The following SMYD3 variants were observed in gnomAD, a reference collection of about 807,000 sequenced individuals.
The protein encoded by SMYD3 is SET and MYND domain containing 3, also known as histone-lysine N-methyltransferase SMYD3.
SMYD3 carries 36 observed loss-of-function variants against 57.7 expected under a neutral mutation model. The ratio of observed to expected loss-of-function variants is 0.62; its 90% CI spans 0.48 to 0.82. The LOEUF is 0.82. Ranked by LOEUF, SMYD3 falls within the 40% of genes least tolerant of loss-of-function variation. The probability of loss-of-function intolerance (pLI) is 0.00; values close to 1 mark genes in which losing one functional copy is unlikely to be tolerated. For synonymous variants in SMYD3, 211 were observed against 195.0 expected (o/e 1.08, Z -0.68); for missense variants, 515 against 538.8 (o/e 0.96, Z 0.44).
At chr1:245,953,981 A>G (rs1455915923) in intron 5 of SMYD3, among the ~76,000 whole-genome samples, 1 of 152,246 alleles carries the variant, frequency 6.6e-6, no homozygotes, top group Non-Finnish European at 1.5e-5. Flanking sequence ...AACTTTGTTT[A>G]AATCTGATAA....
chr1:246,026,555 T>C (rs960407972), intron 5 of SMYD3, among the ~76,000 whole-genome samples: 2 of 152,210 alleles, frequency 1.3e-5, no homozygotes, highest in Admixed American at 1.3e-4. Flanking sequence ...CTCACAATAA[T>C]TCAAACTTTT....
chr1:245,793,478 G>T (rs968266230), intron 10 of SMYD3, among the ~76,000 whole-genome samples: 3 of 152,056 alleles, frequency 2.0e-5, no homozygotes, highest in African/African-American at 7.3e-5. Context: ...CAAGGCTCCG[G>T]CTTGCTTCGT....
chr1:245,788,778 C>A (rs1172219669), intron 10 of SMYD3: 1 of 152,256 alleles, frequency 6.6e-6, no homozygotes, highest in African/African-American at 2.4e-5. Context: ...ATTCTTCGTT[C>A]CAGTCTCTGG....
At chr1:245,876,639 G>A (rs976355789) in intron 8 of SMYD3, among the ~76,000 whole-genome samples, 4 of 152,182 alleles carry the variant, frequency 2.6e-5, no homozygotes, top group East Asian at 3.8e-4. Flanking sequence ...GTGGCACTAC[G>A]GGGAATAAAT....
At chr1:246,000,808 A>C (rs2059026192) in intron 5 of SMYD3, among the ~76,000 whole-genome samples, 1 of 152,258 alleles carries the variant, frequency 6.6e-6, no homozygotes, top group Admixed American at 6.5e-5. Context: ...GCTGGAAGAC[A>C]GAGAACGTAT....
At chr1:246,124,830 CTT>C (rs60817400) in intron 5 of SMYD3, among the ~76,000 whole-genome samples, 12,727 of 152,090 alleles carry the variant, frequency 0.084, 1,093 homozygotes, top group African/African-American at 0.21. Flanking sequence ...ATAGAGTGAT[CTT>C]TTCTACTTAA....
intron 5 of SMYD3, among the ~76,000 whole-genome samples, chr1:245,978,237 T>C (rs1293295432): frequency 6.6e-6 from 1 of 152,232 alleles, no homozygotes; most frequent in Non-Finnish European, 1.5e-5. Flanking sequence ...CTTCTGTCCC[T>C]TACTAATTGA....
chr1:246,470,817 C>G (rs927870852), intron 1 of SMYD3, among the ~76,000 whole-genome samples: 2 of 151,860 alleles, frequency 1.3e-5, no homozygotes, highest in African/African-American at 4.8e-5. Context: ...AACTAGAGAT[C>G]AAAAGTACTG....
intron 10 of SMYD3, among the ~76,000 whole-genome samples, chr1:245,843,538 A>T (rs2050506998): frequency 1.3e-5 from 1 of 74,802 alleles, no homozygotes; most frequent in Non-Finnish European, 2.2e-5. Flanking sequence ...GTGTATATAT[A>T]TATGTGTGTG....
chr1:246,018,505 AG>A (rs2059415988), intron 5 of SMYD3, among the ~76,000 whole-genome samples: 1 of 152,272 alleles, frequency 6.6e-6, no homozygotes, highest in Admixed American at 6.5e-5. Context: ...TCAATTTCAT[AG>A]ATGAGTCTGA....
At position 246,376,874 on chromosome 1, in the gene SMYD3, C is replaced by T. The variant is rs984110508; in HGVS notation, c.165-21780G>A. 3.3e-5 allele frequency among the ~76,000 whole-genome samples: 5 copies of T among 151,934 alleles called. No individual in the cohort carries two copies. The East Asian group carries it at 5.8e-4, about 18-fold the overall frequency. ...CAGCACTTTGGGAGGCTGAGGTGGGCGGATCACCTGAGGTCAGGAGTTCAA... is the reference window on the plus strand; with the variant it reads ...CAGCACTTTGGGAGGCTGAGGTGGGTGGATCACCTGAGGTCAGGAGTTCAA... On this transcript the variant is annotated intron_variant, in intron 1 of 11. Coordinates refer to ENST00000490107, the MANE Select transcript of SMYD3 (RefSeq NM_001167740.2).
intron 10 of SMYD3, chr1:245,814,557 G>A: frequency 4.9e-6 from 1 of 205,714 alleles, no homozygotes; most frequent in Non-Finnish European, 8.6e-6. Flanking sequence ...CCAGGGACCT[G>A]TGAAATGGAT....
intron 1 of SMYD3, among the ~76,000 whole-genome samples, chr1:246,484,031 G>A (rs1033119110): frequency 7.3e-6 from 1 of 136,672 alleles, no homozygotes; most frequent in Non-Finnish European, 1.5e-5. Context: ...CATTGCACTA[G>A]TTACACCTAA....
chr1:246,254,733 T>C (rs1459224840), intron 5 of SMYD3, among the ~76,000 whole-genome samples: 1 of 152,220 alleles, frequency 6.6e-6, no homozygotes, highest in Admixed American at 6.5e-5. Flanking sequence ...AGAATGGCCA[T>C]TTTAGTGATA....
chr1:246,448,535 C>T (rs2067581021), intron 1 of SMYD3, among the ~76,000 whole-genome samples: 1 of 151,978 alleles, frequency 6.6e-6, no homozygotes, highest in African/African-American at 2.4e-5. Flanking sequence ...CCTGCAGCTA[C>T]AAGCCCAGGC....
intron 5 of SMYD3, among the ~76,000 whole-genome samples, chr1:246,171,398 G>A (rs2062329755): frequency 6.6e-6 from 1 of 152,016 alleles, no homozygotes; most frequent in African/African-American, 2.4e-5. Context: ...TTTCCAGAGG[G>A]ATGGGGGTAG....
chr1:246,051,798 C>A (rs1285947282), intron 5 of SMYD3, among the ~76,000 whole-genome samples: 1 of 152,134 alleles, frequency 6.6e-6, no homozygotes, highest in Non-Finnish European at 1.5e-5. Flanking sequence ...GTACTCTCCC[C>A]AAACAACAAA....
intron 1 of SMYD3, among the ~76,000 whole-genome samples, chr1:246,356,394 C>T (rs1221031221): frequency 2.0e-5 from 3 of 152,094 alleles, no homozygotes; most frequent in Non-Finnish European, 2.9e-5. Context: ...CTCTTTAACA[C>T]CCCCCAAAAG....
At position 246,507,266 on chromosome 1, in the gene SMYD3, G is replaced by T; in HGVS notation, c.-49C>A. 1 of 1,448,604 alleles carries T rather than the reference G, an allele frequency of 6.9e-7. No homozygotes were observed. The highest frequency in any genetic ancestry group is 9.1e-7 in the Non-Finnish European group (1 of 1,094,414). The allele number at this position is 1,448,604 out of a possible 1,614,324, so 89.7% of individuals were successfully genotyped here. On this transcript the variant is annotated 5_prime_UTR_variant, in exon 1 of 12. Coordinates refer to ENST00000490107, the MANE Select transcript of SMYD3 (RefSeq NM_001167740.2). The stretch of plus-strand genomic sequence containing the variant: ...GACGGCTACCCGCGTCCAGCAGCGG[G>T]CGTCTCACGGGCTGCCGGGACCCGC...
Sources: gnomAD v4.1 joint callset for allele counts (sites outside exome capture counted in the v4.1 genomes callset) on GRCh38, gnomAD v4.1.1 for gene constraint, MANE v1.5 for transcripts, NCBI Gene and HGNC (gene_info 2026-07-23, HGNC 2026-07-21) for gene names.